The following SAMD12 variants were observed in gnomAD, a reference collection of about 807,000 sequenced individuals.
SAMD12 encodes the protein sterile alpha motif domain containing 12.
In SAMD12, 9 loss-of-function variants were observed where a neutral mutation model predicts 15.0. The ratio of observed to expected loss-of-function variants is 0.60; its 90% CI spans 0.36 to 1.05. The LOEUF (loss-of-function observed/expected upper bound fraction) is 1.05. Among genes scored for constraint, SAMD12 ranks in the 50% least tolerant of loss-of-function variants. SAMD12 has a pLI of 0.01. For synonymous variants in SAMD12, 86 were observed against 90.1 expected, an observed-to-expected ratio of 0.96 and a Z score of 0.25; for missense variants, 230 against 234.2, an observed-to-expected ratio of 0.98 and a Z score of 0.12.
chr8:118,163,848 C>G, the SAMD12 span, among the ~76,000 whole-genome samples: 1 of 151,008 alleles, frequency 6.6e-6, no homozygotes, highest in South Asian at 2.1e-4. Flanking sequence ...GCCCTCCAGC[C>G]TGGGAGACAG....
chr8:118,277,891 TG>T (rs1428807717), intron 4 of SAMD12, among the ~76,000 whole-genome samples: 1 of 152,164 alleles, frequency 6.6e-6, no homozygotes, highest in Admixed American at 6.5e-5. Context: ...TTCTCAGAGC[TG>T]GGAAAAACAA....
At chr8:118,336,964 G>C (rs899210978) in intron 4 of SAMD12, among the ~76,000 whole-genome samples, 1 of 152,140 alleles carries the variant, frequency 6.6e-6, no homozygotes, top group Non-Finnish European at 1.5e-5. Context: ...TGAACAATGA[G>C]AGCACTTGGA....
At chr8:118,166,625 A>G in the SAMD12 span, among the ~76,000 whole-genome samples, 1 of 152,362 alleles carries the variant, frequency 6.6e-6, no homozygotes, top group African/African-American at 2.4e-5. Context: ...ATGATGCACA[A>G]AGCTGTTAAA....
downstream of SAMD12, among the ~76,000 whole-genome samples, chr8:118,374,286 G>A (rs1247521344): frequency 6.6e-6 from 1 of 151,990 alleles, no homozygotes; most frequent in African/African-American, 2.4e-5. Flanking sequence ...ATGTCTTTGA[G>A]GTTTATCATG....
intron 4 of SAMD12, among the ~76,000 whole-genome samples, chr8:118,348,657 C>G (rs752363120): frequency 6.6e-6 from 1 of 152,180 alleles, no homozygotes; most frequent in African/African-American, 2.4e-5. Context: ...CAGGCGTGAG[C>G]CACCGCACCC....
chr8:118,459,973 G>C (rs1209652323), intron 2 of SAMD12, among the ~76,000 whole-genome samples: 3 of 152,186 alleles, frequency 2.0e-5, no homozygotes, highest in Non-Finnish European at 4.4e-5. Context: ...GAAATCCCAG[G>C]ACCAGAACCA....
At chr8:118,235,513 T>C (rs1308813032) in intron 4 of SAMD12, among the ~76,000 whole-genome samples, 1 of 152,150 alleles carries the variant, frequency 6.6e-6, no homozygotes, top group Admixed American at 6.6e-5. Context: ...TTTAAAAACA[T>C]GTATACTGGT....
chr8:118,255,390 C>T (rs914514651), intron 4 of SAMD12, among the ~76,000 whole-genome samples: 1 of 151,794 alleles, frequency 6.6e-6, no homozygotes, highest in Non-Finnish European at 1.5e-5. Context: ...TTTTAGGGTA[C>T]ATGTGCACAA....
chr8:118,289,593 T>A (rs565069428), intron 4 of SAMD12, among the ~76,000 whole-genome samples: 2 of 152,342 alleles, frequency 1.3e-5, no homozygotes, highest in East Asian at 3.9e-4. Flanking sequence ...TGTTGCCATG[T>A]GTGATGGACC....
intron 2 of SAMD12, among the ~76,000 whole-genome samples, chr8:118,518,432 A>G (rs1199030215): frequency 6.6e-6 from 1 of 152,234 alleles, no homozygotes; most frequent in Non-Finnish European, 1.5e-5. Flanking sequence ...TTGTATTTTG[A>G]TAAACTGAAT....
the SAMD12 span, among the ~76,000 whole-genome samples, chr8:118,151,022 A>G: frequency 1.3e-5 from 2 of 152,176 alleles, no homozygotes; most frequent in East Asian, 3.9e-4. Flanking sequence ...TGTGCAACAT[A>G]GTGAGACCCA....
chr8:118,575,513 T>G (rs1827125895), intron 2 of SAMD12, among the ~76,000 whole-genome samples: 1 of 152,184 alleles, frequency 6.6e-6, no homozygotes, highest in Non-Finnish European at 1.5e-5. Context: ...TTTAGAGCCA[T>G]TAGACATAGA....
the SAMD12 span, among the ~76,000 whole-genome samples, chr8:118,152,739 T>C: frequency 6.6e-6 from 1 of 152,126 alleles, no homozygotes; most frequent in African/African-American, 2.4e-5. Context: ...GCTCAAGCAG[T>C]TCACCCCCCT....
At position 118,268,649 on chromosome 8, in the gene SAMD12, T is replaced by C. The variant is rs1348528380; in HGVS notation, c.434-70917A>G. On this transcript the variant is annotated intron_variant, in intron 4 of 4. Transcript: ENST00000409003. ...GGCCAACATGGTGAAACCCCATCTCTACTAAAAATACAAAATTAGCCAGGC... is the reference window on the plus strand; with the variant it reads ...GGCCAACATGGTGAAACCCCATCTCCACTAAAAATACAAAATTAGCCAGGC... 6.6e-5 allele frequency among the ~76,000 whole-genome samples: 10 copies of C among 151,966 alleles called. No individual in the cohort carries two copies. In the East Asian group the frequency reaches 1.9e-3, roughly 29 times the overall value.
chr8:118,587,261 A>G (rs947289173), intron 1 of SAMD12, among the ~76,000 whole-genome samples: 4 of 152,240 alleles, frequency 2.6e-5, no homozygotes, highest in Non-Finnish European at 4.4e-5. Flanking sequence ...TAATATACAC[A>G]TAACACTCTC....
intron 2 of SAMD12, among the ~76,000 whole-genome samples, chr8:118,564,024 C>T (rs1264497472): frequency 6.6e-6 from 1 of 151,864 alleles, no homozygotes; most frequent in Admixed American, 6.6e-5. Flanking sequence ...AAATATTAGC[C>T]AAGTAAGCAT....
chr8:118,225,757 C>T lies in SAMD12; in HGVS notation c.434-28025G>A, dbSNP rs138153994. 1.2e-3 allele frequency among the ~76,000 whole-genome samples: 182 copies of T among 152,270 alleles called. 4 individuals carry two copies. The East Asian group carries it at 0.031, about 26-fold the overall frequency. On this transcript the variant is annotated intron_variant, in intron 4 of 4. Transcript: ENST00000409003. ...CCCCCTTTTCAAAGAGCTTACAGTTCAATTCATATGCAGGGACAGGCCAAG... is the reference window on the plus strand; with the variant it reads ...CCCCCTTTTCAAAGAGCTTACAGTTTAATTCATATGCAGGGACAGGCCAAG...
chr8:118,413,442 C>T (rs1251613782), intron 3 of SAMD12, among the ~76,000 whole-genome samples: 2 of 152,026 alleles, frequency 1.3e-5, no homozygotes, highest in Admixed American at 6.6e-5. Flanking sequence ...TGTCCTTTAC[C>T]TTCTTTCTGC....
At chr8:118,479,362 A>C (rs10955888) in intron 2 of SAMD12, among the ~76,000 whole-genome samples, 5,452 of 152,300 alleles carry the variant, frequency 0.036, 306 homozygotes, top group African/African-American at 0.12. Flanking sequence ...TCACAGTTCC[A>C]CATGTTTGGG....
Sources: allele counts gnomAD v4.1 joint callset (sites outside exome capture counted in the v4.1 genomes callset), GRCh38; gene constraint gnomAD v4.1.1; transcripts MANE v1.5; gene names NCBI Gene and HGNC (gene_info 2026-07-23, HGNC 2026-07-21).